The following MTMR7 variants were observed in gnomAD, a reference collection of about 807,000 sequenced individuals.
The protein encoded by MTMR7 is phosphatidylinositol-3-phosphate phosphatase MTMR7.
A neutral mutation model predicts 81.2 loss-of-function variants in MTMR7; 76 were observed. That is an observed-to-expected ratio of 0.94 (90% confidence interval 0.78 to 1.13). The LOEUF is 1.13. MTMR7 is among the 50% of genes most tolerant of loss of function. The pLI is 0.00. For synonymous variants in MTMR7, 372 were observed against 289.8 expected, an observed-to-expected ratio of 1.28 and a Z score of -2.88; for missense variants, 1,044 against 820.0, an observed-to-expected ratio of 1.27 and a Z score of -3.34.
intron 3 of MTMR7, among the ~76,000 whole-genome samples, chr8:17,361,708 T>G (rs1161716027): frequency 6.6e-6 from 1 of 152,164 alleles, no homozygotes; most frequent in Non-Finnish European, 1.5e-5. Flanking sequence ...CCAGGCCAAT[T>G]GCACATTTTG....
At chr8:17,366,771 A>T (rs1392447379) in intron 3 of MTMR7, among the ~76,000 whole-genome samples, 3 of 151,728 alleles carry the variant, frequency 2.0e-5, no homozygotes, top group African/African-American at 7.3e-5. Context: ...CTGTAGTCCC[A>T]GCTACTCGGG....
In MTMR7 at chr8:17,388,948, TAA is replaced by T. The variant is rs1361002951; in HGVS notation, c.25-15710_25-15709del. 1.3e-4 allele frequency among the ~76,000 whole-genome samples: 20 copies of T among 152,284 alleles called. No homozygotes were observed. In the East Asian group the frequency reaches 3.9e-3, roughly 29 times the overall value. ...TCTTTCTCCTCTTACAGTCCGGCCCTAAAGTGTCCATCATTCCCACTCTGGGA... is the reference window on the plus strand; with the variant it reads ...TCTTTCTCCTCTTACAGTCCGGCCCTAGTGTCCATCATTCCCACTCTGGGA... On this transcript the variant is annotated intron_variant, in intron 1 of 13. Transcript: ENST00000180173.
intron 2 of MTMR7, 61 bp from the exon 3 acceptor site, chr8:17,371,260 C>G: frequency 1.3e-6 from 2 of 1,528,200 alleles, no homozygotes; most frequent in South Asian, 2.5e-5. Context: ...ACGACAAGGA[C>G]TAACATTTCT....
chr8:17,342,901 G>A (rs923944658), intron 5 of MTMR7, among the ~76,000 whole-genome samples: 2 of 151,962 alleles, frequency 1.3e-5, no homozygotes, highest in Admixed American at 6.5e-5. Context: ...AATGGCAAGC[G>A]ACGGCAAGGC....
Position 17,396,243 on chromosome 8 carries a change from AG to A in MTMR7, c.24+17025del, listed in dbSNP as rs557584662. 2.0e-3 allele frequency among the ~76,000 whole-genome samples: 312 copies of A among 152,282 alleles called. 2 individuals are homozygous for A. The highest frequency in any genetic ancestry group is 7.2e-3 in the African/African-American group (301 of 41,562). On this transcript the variant is annotated intron_variant, in intron 1 of 13. Coordinates refer to ENST00000180173, the MANE Select transcript of MTMR7 (RefSeq NM_004686.5). ...AAGTTTTAACAACTACACACAAAAA[AG>A]CACCATCATAAGAACCAAAAATCAG...
Position 17,302,300 on chromosome 8 carries a change from G to A in MTMR7, c.1494-20C>T, listed in dbSNP as rs768076644. ...CAAAACCTGGAAAGGATGGCAAAGC[G>A]TCGTGATACCACCTTATCACAGTCT... On this transcript the variant is annotated intron_variant, in intron 12 of 13. Coordinates refer to ENST00000180173, the MANE Select transcript of MTMR7 (RefSeq NM_004686.5). 4.2e-5 allele frequency: 67 copies of A among 1,610,712 alleles called. No homozygotes were observed. The East Asian group carries it at 4.9e-4, about 12-fold the overall frequency.
chr8:17,320,872 C>T (rs984428051), intron 7 of MTMR7, among the ~76,000 whole-genome samples: 5 of 152,232 alleles, frequency 3.3e-5, no homozygotes, highest in African/African-American at 1.2e-4. Flanking sequence ...TTTGGGCTTT[C>T]TGTCCAACCC....
intron 1 of MTMR7, among the ~76,000 whole-genome samples, chr8:17,377,125 G>T (rs1282245721): frequency 6.6e-6 from 1 of 152,022 alleles, no homozygotes; most frequent in Non-Finnish European, 1.5e-5. Flanking sequence ...CTGTTATCAA[G>T]TGAATTAACC....
At chr8:17,393,406 C>T (rs982723373) in intron 1 of MTMR7, among the ~76,000 whole-genome samples, 1 of 152,080 alleles carries the variant, frequency 6.6e-6, no homozygotes, top group African/African-American at 2.4e-5. Context: ...TATTAAAAAC[C>T]TGTATTTCAA....
chr8:17,370,848 T>G (rs1481701032), intron 3 of MTMR7, among the ~76,000 whole-genome samples, 189 bp downstream of exon 3: 1 of 151,814 alleles, frequency 6.6e-6, no homozygotes, highest in African/African-American at 2.4e-5. Flanking sequence ...AATAAATAAC[T>G]CGGGGGAGAC....
intron 6 of MTMR7, 33 bp from the exon 7 acceptor site, chr8:17,331,315 A>G (rs1697348723): frequency 1.3e-6 from 2 of 1,552,476 alleles, no homozygotes; most frequent in African/African-American, 2.8e-5. Flanking sequence ...ACAGTCATCA[A>G]TTACATTGAT....
chr8:17,363,569 G>C (rs781040254), intron 3 of MTMR7, among the ~76,000 whole-genome samples: 1 of 152,120 alleles, frequency 6.6e-6, no homozygotes, highest in Admixed American at 6.5e-5. Flanking sequence ...GGAGACCTTA[G>C]GATGGGTTGA....
intron 1 of MTMR7, among the ~76,000 whole-genome samples, chr8:17,389,478 G>C (rs1212711720): frequency 1.3e-5 from 2 of 152,162 alleles, no homozygotes; most frequent in African/African-American, 2.4e-5. Context: ...TCACACTTCA[G>C]AACATCACAG....
At chr8:17,386,446 T>C (rs1041799551) in intron 1 of MTMR7, among the ~76,000 whole-genome samples, 2 of 152,294 alleles carry the variant, frequency 1.3e-5, no homozygotes, top group Admixed American at 6.5e-5. Context: ...CTCTATCTCC[T>C]AGGACTCTTA....
rs866985878 is a variant in MTMR7 at position 17,373,222 on chromosome 8, C to T, written c.43G>A (p.Val15Ile). The T allele has an allele frequency of 6.2e-7, 1 of 1,612,844 alleles. No homozygotes were observed. The highest frequency in any genetic ancestry group is 2.2e-5 in the East Asian group (1 of 44,848). The change falls in exon 2 of 14, where the codon GTA becomes ATA. Residue 15 changes from valine (V) to isoleucine (I), a missense_variant. By Grantham distance (29) the Val-to-Ile change is conservative. Coordinates refer to ENST00000180173, the MANE Select transcript of MTMR7 (RefSeq NM_004686.5). The part of the protein sequence containing the change: ...RTPKVENVRL[V>I]DRVSPKKAAL... ...GCTTTTTTAGGAGACACTCGATCTA[C>T]CAAGCGGACATTTTCAACCTAGAGA...
In MTMR7 at chr8:17,297,464, A is replaced by AATG. The variant is rs144852282; in HGVS notation, c.*2397_*2398insCAT. On this transcript the variant is annotated 3_prime_UTR_variant, in exon 14 of 14. Transcript: ENST00000180173. The stretch of plus-strand genomic sequence containing the variant: ...AACTAATGTGCTCTTAAAGAATAAA[A>AATG]ATTTATTCTATGGTTTCTGTCTCTG... 3 of 151,872 alleles carry AATG rather than the reference A, an allele frequency of 2.0e-5. No homozygotes were observed. The highest frequency in any genetic ancestry group is 4.4e-5 in the Non-Finnish European group (3 of 67,846). The allele number at this position is 151,872 out of a possible 1,614,324, so 9.4% of individuals were successfully genotyped here.
chr8:17,319,116 T>C (rs1190152436), intron 7 of MTMR7, among the ~76,000 whole-genome samples: 2 of 152,178 alleles, frequency 1.3e-5, no homozygotes, highest in Admixed American at 1.3e-4. Flanking sequence ...AATCATGATA[T>C]ACGCATGGGC....
chr8:17,412,221 T>C (rs776943382), intron 1 of MTMR7, among the ~76,000 whole-genome samples: 12 of 152,226 alleles, frequency 7.9e-5, no homozygotes, highest in Non-Finnish European at 1.8e-4. Flanking sequence ...ACTCAGGAAC[T>C]ATTCCAAAAT....
Position 17,309,410 on chromosome 8 carries a change from G to C in MTMR7, c.1102-84C>G, listed in dbSNP as rs1353469406. On this transcript the variant is annotated intron_variant, in intron 9 of 13. Coordinates refer to ENST00000180173, the MANE Select transcript of MTMR7 (RefSeq NM_004686.5). ...ACAACCAATAATGTTGAGGAATTCA[G>C]AGGCACTTGCAGAAGTCCCCATCCT... 3.2e-6 allele frequency: 3 copies of C among 952,198 alleles called. No homozygotes were observed. The African/African-American group carries it at 5.0e-5, about 16-fold the overall frequency. The allele number at this position is 952,198 out of a possible 1,614,324, so 59.0% of individuals were successfully genotyped here.
Sources: gnomAD v4.1 joint callset for allele counts (sites outside exome capture counted in the v4.1 genomes callset) on GRCh38, gnomAD v4.1.1 for gene constraint, MANE v1.5 for transcripts, NCBI Gene and HGNC (gene_info 2026-07-23, HGNC 2026-07-21) for gene names.